Variants in ABCA13 observed in about 807,000 individuals in gnomAD.
ABCA13 encodes the protein ATP-binding cassette sub-family A member 13.
Under a neutral mutation model 478.7 loss-of-function variants are expected in ABCA13, and 476 were observed. The ratio of observed to expected loss-of-function variants is 0.99; its 90% CI spans 0.92 to 1.07. ABCA13 has a LOEUF of 1.07. ABCA13 is among the 50% of genes least tolerant of loss of function. ABCA13 has a pLI of 0.00. For missense variants in ABCA13, 6,060 were observed against 5,910.6 expected (o/e 1.03, Z -0.83); for synonymous variants, 2,252 against 2,158.9 (o/e 1.04, Z -1.20).
At chr7:48,307,536 C>T (rs1015550381) in intron 23 of ABCA13, among the ~76,000 whole-genome samples, 3 of 152,020 alleles carry the variant, frequency 2.0e-5, no homozygotes, top group African/African-American at 7.2e-5. Context: ...GAGTGGCAAG[C>T]GGATGTGCAG....
At chr7:48,587,368 G>T in intron 57 of ABCA13, 80 bp downstream of exon 57, 1 of 1,427,372 alleles carries the variant, frequency 7.0e-7, no homozygotes, top group Non-Finnish European at 9.3e-7. Context: ...GGGTTTTTCT[G>T]GGAAGTAACT....
intron 15 of ABCA13, among the ~76,000 whole-genome samples, chr7:48,268,454 C>T (rs1169644146): frequency 5.9e-5 from 9 of 152,174 alleles, no homozygotes; most frequent in Non-Finnish European, 7.3e-5. Context: ...CCACCACACC[C>T]GGACACCTTT....
At chr7:48,396,720 C>T (rs1816881470) in intron 38 of ABCA13, among the ~76,000 whole-genome samples, 1 of 152,176 alleles carries the variant, frequency 6.6e-6, no homozygotes, top group Non-Finnish European at 1.5e-5. Context: ...TTAACAGTTG[C>T]TCTCCCTGGG....
chr7:48,642,135 A>G (rs1795138930), intron 59 of ABCA13, among the ~76,000 whole-genome samples: 1 of 152,202 alleles, frequency 6.6e-6, no homozygotes, highest in Non-Finnish European at 1.5e-5. Context: ...CACAGACCTC[A>G]GAGGGAAGTG....
chr7:48,324,648 G>A (rs4024044), intron 27 of ABCA13, among the ~76,000 whole-genome samples: 125,892 of 152,196 alleles, frequency 0.83, 52,202 homozygotes, highest in East Asian at 0.88. Context: ...CTACAGGAAC[G>A]TAGGACTGCA....
intron 42 of ABCA13, among the ~76,000 whole-genome samples, chr7:48,432,492 T>G (rs2129145779): frequency 6.6e-6 from 1 of 151,938 alleles, no homozygotes; most frequent in African/African-American, 2.4e-5. Context: ...GGAAATGAAA[T>G]CAGTATATTA....
In ABCA13 at chr7:48,489,241, G is replaced by A; in HGVS notation, c.13188G>A (p.Trp4396Ter). 4 of 1,607,682 alleles carry A rather than the reference G, an allele frequency of 2.5e-6. No homozygotes were observed. The highest frequency in any genetic ancestry group is 3.4e-6 in the Non-Finnish European group (4 of 1,175,710). The change falls in exon 48 of 62, where the codon TGG (tryptophan) becomes TGA (stop). Residue 4396 changes from tryptophan to a stop codon, truncating the protein, a stop_gained. Transcript: ENST00000435803. LOFTEE classifies it high-confidence loss of function. ...ISKPPTLAKV[W>*]YNQKGFHSLP... Reference sequence around the variant, plus strand: ...AATTATCTTTCTTTTTTTAGGTGTGGTATAATCAGAAGGGTTTTCATTCCC... The same window carrying A: ...AATTATCTTTCTTTTTTTAGGTGTGATATAATCAGAAGGGTTTTCATTCCC...
chr7:48,227,248 T>A lies in ABCA13; in HGVS notation c.469-14T>A. On this transcript the variant is annotated splice_polypyrimidine_tract_variant and intron_variant, in intron 5 of 61. Coordinates refer to ENST00000435803, the MANE Select transcript of ABCA13 (RefSeq NM_152701.5). ...TCCAGAGGGAAACTTTTGGTGTATT[T>A]TTTTTCCCATCAGATGGATCTCAAT... The A allele has an allele frequency of 6.2e-7, 1 of 1,611,920 alleles. No individual in the cohort carries two copies. Among genetic ancestry groups the A allele is most frequent in the Non-Finnish European group, 8.5e-7 (1 of 1,179,250 alleles).
intron 27 of ABCA13, among the ~76,000 whole-genome samples, chr7:48,330,617 CCATCCATT>C (rs1246994618): frequency 2.6e-4 from 40 of 151,804 alleles, no homozygotes; most frequent in African/African-American, 9.7e-4. Context: ...ATCCATCCAT[CCATCCATT>C]CATCTATCTG....
At chr7:48,561,347 A>G (rs1173231604) in intron 55 of ABCA13, among the ~76,000 whole-genome samples, 1 of 152,150 alleles carries the variant, frequency 6.6e-6, no homozygotes, top group East Asian at 1.9e-4. Flanking sequence ...GTTTATACTA[A>G]TACACTTTCC....
At chr7:48,562,106 G>C (rs920360834) in intron 55 of ABCA13, among the ~76,000 whole-genome samples, 10 of 136,326 alleles carry the variant, frequency 7.3e-5, no homozygotes, top group African/African-American at 2.2e-4. Context: ...CATATGTATG[G>C]GGGGGGAGGT....
chr7:48,566,392 A>G (rs1012696017), intron 55 of ABCA13, among the ~76,000 whole-genome samples: 10 of 152,192 alleles, frequency 6.6e-5, no homozygotes, highest in Non-Finnish European at 1.0e-4. Context: ...TTTCACTGCT[A>G]GGTTGAGATA....
rs769601590 is a variant in ABCA13 at position 48,410,618 on chromosome 7, C to A, written c.12169C>A (p.Pro4057Thr). Residue 4057 changes from proline (P) to threonine (T), a missense_variant, in exon 40 of 62, where the codon CCT (proline) becomes ACT (threonine). Pro to Thr is a conservative substitution (Grantham distance 38). Coordinates refer to ENST00000435803, the MANE Select transcript of ABCA13 (RefSeq NM_152701.5). ...LQHGRLRCCG[P>T]PFCLKEAYGQ... Reference sequence around the variant, plus strand: ...GCATGGGAGGCTCAGGTGCTGCGGTCCTCCCTTCTGCCTGAAGGAGGCATA... The same window carrying A: ...GCATGGGAGGCTCAGGTGCTGCGGTACTCCCTTCTGCCTGAAGGAGGCATA... The A allele has an allele frequency of 1.9e-6, 3 of 1,614,048 alleles. No individual in the cohort carries two copies. The highest frequency in any genetic ancestry group is 3.3e-5 in the Admixed American group (2 of 60,034).
At chr7:48,424,095 G>A (rs1392703879) in intron 41 of ABCA13, among the ~76,000 whole-genome samples, 1 of 152,122 alleles carries the variant, frequency 6.6e-6, no homozygotes, top group Admixed American at 6.5e-5. Context: ...ATGCACAAAC[G>A]CAGCATTCTT....
At position 48,273,440 on chromosome 7, in the gene ABCA13, C is replaced by T. The variant is rs542433671; in HGVS notation, c.3774C>T (p.Phe1258=). Residue 1258 remains phenylalanine (F), a synonymous_variant, in exon 17 of 62, where the codon TTC becomes TTT. Transcript: ENST00000435803. ...LNLEQVEKSL[F]TMEAALHQLK... ...TGGAGCAAGTGGAGAAATCCCTTTT[C>T]ACCATGGAAGCTGCCCTGCATCAGT... 4 of 1,612,942 alleles carry T rather than the reference C, an allele frequency of 2.5e-6. No individual in the cohort carries two copies. In the African/African-American group the frequency reaches 4.0e-5, roughly 16 times the overall value.
At chr7:48,626,511 A>G (rs1297429084) in intron 59 of ABCA13, 5 of 704,712 alleles carry the variant, frequency 7.1e-6, no homozygotes, top group South Asian at 6.4e-5. Flanking sequence ...TCTAAGGTAA[A>G]AAAAAGGCAA....
In ABCA13 at chr7:48,481,164, A is replaced by G. The variant is rs766240600; in HGVS notation, c.13094+10A>G. 13 of 1,543,682 alleles carry G rather than the reference A, an allele frequency of 8.4e-6. No homozygotes were observed. The highest frequency in any genetic ancestry group is 3.8e-5 in the Admixed American group (2 of 53,268). ...CATCTGAAAAACCAAGGTGTGTTCA[A>G]TACTCTTGTTGGGTCTTTACTTGTT... On this transcript the variant is annotated intron_variant, in intron 46 of 61. Transcript: ENST00000435803.
intron 23 of ABCA13, among the ~76,000 whole-genome samples, chr7:48,307,645 A>G (rs893411667): frequency 4.6e-5 from 7 of 152,086 alleles, no homozygotes; most frequent in Admixed American, 2.0e-4. Context: ...GATTAACCTT[A>G]GCTTACTGTA....
chr7:48,578,381 G>T (rs1291393726), intron 55 of ABCA13, among the ~76,000 whole-genome samples: 1 of 152,044 alleles, frequency 6.6e-6, no homozygotes, highest in Non-Finnish European at 1.5e-5. Flanking sequence ...AAGGTTTCAG[G>T]ATACAACGTT....
Sources: allele counts gnomAD v4.1 joint callset (sites outside exome capture counted in the v4.1 genomes callset), GRCh38; gene constraint gnomAD v4.1.1; transcripts MANE v1.5; gene names NCBI Gene and HGNC (gene_info 2026-07-23, HGNC 2026-07-21).